ANKRD11: variants seen among roughly 807,000 people sequenced by gnomAD.
ANKRD11 encodes ankyrin repeat domain-containing protein 11.
Under a neutral mutation model 195.7 loss-of-function variants are expected in ANKRD11, and 17 were observed. The ratio of observed to expected loss-of-function variants is 0.09; its 90% CI spans 0.06 to 0.13. The LOEUF is 0.13. Ranked by LOEUF, ANKRD11 falls within the 10% of genes least tolerant of loss-of-function variation. The pLI is 1.00. For synonymous variants in ANKRD11, 1,953 were observed against 1,528.1 expected, an observed-to-expected ratio of 1.28 and a Z score of -6.49; for missense variants, 3,735 against 3,566.1, an observed-to-expected ratio of 1.05 and a Z score of -1.21.
At chr16:89,384,598 A>G (rs116739768) in intron 2 of ANKRD11, among the ~76,000 whole-genome samples, 3,140 of 152,166 alleles carry the variant, frequency 0.021, 123 homozygotes, top group African/African-American at 0.072. Flanking sequence ...GGCAGGACAG[A>G]GCAGGGCAGC....
chr16:89,330,220 G>A (rs1404224177), intron 2 of ANKRD11, among the ~76,000 whole-genome samples: 1 of 152,066 alleles, frequency 6.6e-6, no homozygotes, highest in Non-Finnish European at 1.5e-5. Flanking sequence ...CTGTGTGTCC[G>A]GTCAGGGGCA....
intron 1 of ANKRD11, among the ~76,000 whole-genome samples, chr16:89,450,698 T>C (rs1206350762): frequency 1.3e-5 from 2 of 152,208 alleles, no homozygotes; most frequent in East Asian, 1.9e-4. Context: ...GGTCTCACTA[T>C]GGTGTCCAGG....
intron 2 of ANKRD11, among the ~76,000 whole-genome samples, chr16:89,389,433 A>G (rs1476958310): frequency 1.3e-5 from 2 of 152,194 alleles, no homozygotes; most frequent in Non-Finnish European, 1.5e-5. Context: ...AAAAAAGTCA[A>G]TCAAAAGCTA....
rs555910881 is a variant in ANKRD11 at position 89,314,367 on chromosome 16, G to A, written c.87+2566C>T. ...AATCCACACATCCCTCACAGCACAC[G>A]TGTGAACAGAGCTCGCATCGACATT... On this transcript the variant is annotated intron_variant, in intron 3 of 12. Transcript: ENST00000301030. 4.6e-5 allele frequency among the ~76,000 whole-genome samples: 7 copies of A among 152,296 alleles called. No homozygotes were observed. In the South Asian group the frequency reaches 6.2e-4, roughly 14 times the overall value.
At position 89,438,511 on chromosome 16, in the gene ANKRD11, T is replaced by G. The variant is rs142888533; in HGVS notation, c.-144-20143A>C. On this transcript the variant is annotated intron_variant, in intron 1 of 12. Transcript: ENST00000301030. ...ATTTGTGTGTGTGTGTGCGTATTTT[T>G]AGTAGATACAGGGTTTCACTAGGTT... 2.0e-5 allele frequency among the ~76,000 whole-genome samples: 3 copies of G among 152,216 alleles called. No homozygotes were observed. The East Asian group carries it at 5.8e-4, about 29-fold the overall frequency.
chr16:89,470,129 G>C (rs953757528), intron 1 of ANKRD11, among the ~76,000 whole-genome samples: 2 of 151,606 alleles, frequency 1.3e-5, no homozygotes, highest in Non-Finnish European at 1.5e-5. Context: ...GATGGTCTCC[G>C]TGTCCTGAAC....
At chr16:89,414,190 T>C (rs1230458203) in intron 2 of ANKRD11, among the ~76,000 whole-genome samples, 4 of 152,220 alleles carry the variant, frequency 2.6e-5, no homozygotes, top group Admixed American at 6.5e-5. Flanking sequence ...TAAATGGAGA[T>C]GTCAATTAAA....
chr16:89,487,130 CG>C (rs1388739947), intron 1 of ANKRD11, among the ~76,000 whole-genome samples: 1 of 152,040 alleles, frequency 6.6e-6, no homozygotes, highest in Non-Finnish European at 1.5e-5. Flanking sequence ...GTTTATCAAA[CG>C]GGCCACACTG....
chr16:89,474,830 T>C (rs970662060), intron 1 of ANKRD11, among the ~76,000 whole-genome samples: 1 of 152,224 alleles, frequency 6.6e-6, no homozygotes, highest in African/African-American at 2.4e-5. Flanking sequence ...GAACACTGCA[T>C]AACATCCCAA....
intron 2 of ANKRD11, among the ~76,000 whole-genome samples, chr16:89,359,647 G>C (rs552173015): frequency 6.6e-6 from 1 of 152,286 alleles, no homozygotes; most frequent in Non-Finnish European, 1.5e-5. Context: ...TACCACGAAG[G>C]TAGCCGGCTG....
At chr16:89,356,612 A>G in intron 2 of ANKRD11, among the ~76,000 whole-genome samples, 1 of 148,294 alleles carries the variant, frequency 6.7e-6, no homozygotes, top group African/African-American at 2.5e-5. Context: ...TCTACTAAAA[A>G]TACAAAAAAA....
chr16:89,441,234 T>C (rs2043449138), intron 1 of ANKRD11, among the ~76,000 whole-genome samples: 1 of 149,428 alleles, frequency 6.7e-6, no homozygotes, highest in African/African-American at 2.5e-5. Context: ...AGACTCCGTC[T>C]CAAAAAAAAA....
At chr16:89,445,478 C>G (rs1007171399) in intron 1 of ANKRD11, among the ~76,000 whole-genome samples, 1 of 152,064 alleles carries the variant, frequency 6.6e-6, no homozygotes, top group African/African-American at 2.4e-5. Context: ...GCAAACATAC[C>G]TAGGACCAGT....
At chr16:89,359,772 TCTACA>T (rs2039650366) in intron 2 of ANKRD11, among the ~76,000 whole-genome samples, 1 of 152,226 alleles carries the variant, frequency 6.6e-6, no homozygotes, top group African/African-American at 2.4e-5. Flanking sequence ...TGCATTTTAG[TCTACA>T]CTACATTCTA....
intron 1 of ANKRD11, among the ~76,000 whole-genome samples, chr16:89,470,123 G>A (rs1029166211): frequency 2.0e-5 from 3 of 151,694 alleles, no homozygotes; most frequent in Admixed American, 2.0e-4. Flanking sequence ...AGCCAGGATG[G>A]TCTCCGTGTC....
chr16:89,392,987 T>C (rs557430860), intron 2 of ANKRD11, among the ~76,000 whole-genome samples: 2 of 151,950 alleles, frequency 1.3e-5, no homozygotes, highest in Non-Finnish European at 2.9e-5. Flanking sequence ...AAATTCCTTT[T>C]CTAAACTCCA....
At chr16:89,483,752 C>G (rs560542041) in intron 1 of ANKRD11, among the ~76,000 whole-genome samples, 1 of 150,482 alleles carries the variant, frequency 6.6e-6, no homozygotes, top group Non-Finnish European at 1.5e-5. Flanking sequence ...CGCCTGAACC[C>G]GGGAGGCGGA....
chr16:89,449,122 C>T (rs925833306), intron 1 of ANKRD11, among the ~76,000 whole-genome samples: 8 of 147,344 alleles, frequency 5.4e-5, no homozygotes, highest in African/African-American at 1.0e-4. Flanking sequence ...AGGCTGAGGC[C>T]GGAGGATTGC....
chr16:89,333,203 T>C (rs1425096178), intron 2 of ANKRD11, among the ~76,000 whole-genome samples: 1 of 152,288 alleles, frequency 6.6e-6, no homozygotes, highest in Non-Finnish European at 1.5e-5. Flanking sequence ...AGAATCATTT[T>C]AGCATGTTAA....
Sources: gnomAD v4.1 joint callset for allele counts (sites outside exome capture counted in the v4.1 genomes callset) on GRCh38, gnomAD v4.1.1 for gene constraint, MANE v1.5 for transcripts, NCBI Gene and HGNC (gene_info 2026-07-23, HGNC 2026-07-21) for gene names.